Variants in L3MBTL4 observed in about 807,000 individuals in gnomAD.
L3MBTL4 encodes lethal(3)malignant brain tumor-like protein 4.
A neutral mutation model predicts 84.5 loss-of-function variants in L3MBTL4; 70 were observed. The ratio of observed to expected loss-of-function variants is 0.83; its 90% CI spans 0.68 to 1.01. L3MBTL4 has a LOEUF of 1.01. Among genes scored for constraint, L3MBTL4 ranks in the 50% least tolerant of loss-of-function variants. The pLI is 0.00. For synonymous variants in L3MBTL4, 274 were observed against 259.8 expected (o/e 1.05, Z -0.52); for missense variants, 715 against 754.8 (o/e 0.95, Z 0.62).
intron 1 of L3MBTL4, among the ~76,000 whole-genome samples, chr18:6,371,126 T>C (rs1312411640): frequency 6.6e-6 from 1 of 152,184 alleles, no homozygotes; most frequent in Non-Finnish European, 1.5e-5. Flanking sequence ...TTACTTAAAC[T>C]CTGCCATGAG....
At position 6,225,114 on chromosome 18, in the gene L3MBTL4, C is replaced by T. The variant is rs78228704; in HGVS notation, c.785-9279G>A. Among the ~76,000 whole-genome samples, 8 of 152,220 alleles carry T rather than the reference C, an allele frequency of 5.3e-5. No homozygotes were observed. The East Asian group carries it at 1.5e-3, about 29-fold the overall frequency. ...TAGAAAGCCACTGAAGACTGTTACT[C>T]GCTCCCTAACAATGATCATAAACTT... On this transcript the variant is annotated intron_variant, in intron 10 of 18. Coordinates refer to ENST00000317931, the MANE Select transcript of L3MBTL4 (RefSeq NM_001330559.2).
intron 1 of L3MBTL4, among the ~76,000 whole-genome samples, chr18:6,325,196 A>T (rs866646496): frequency 3.9e-4 from 60 of 152,338 alleles, no homozygotes; most frequent in Admixed American, 1.4e-3. Flanking sequence ...ATGGGAAAAA[A>T]ATGAAAACAA....
intron 14 of L3MBTL4, among the ~76,000 whole-genome samples, chr18:6,098,721 C>T (rs2058719011): frequency 6.6e-6 from 1 of 152,112 alleles, no homozygotes; most frequent in Non-Finnish European, 1.5e-5. Flanking sequence ...CCTCATGAAG[C>T]CTAGAGTATT....
chr18:6,056,235 T>C (rs569665489), intron 16 of L3MBTL4, among the ~76,000 whole-genome samples: 41 of 152,294 alleles, frequency 2.7e-4, no homozygotes, highest in Non-Finnish European at 4.0e-4. Context: ...CAAACAAGCA[T>C]GTCAGAGACA....
chr18:6,348,554 T>C (rs61277346), intron 1 of L3MBTL4, among the ~76,000 whole-genome samples: 29,812 of 151,934 alleles, frequency 0.2, 3,687 homozygotes, highest in African/African-American at 0.36. Context: ...CAAAAGGAAG[T>C]CCAGATGCAT....
chr18:6,101,333 C>T (rs1598749096), intron 14 of L3MBTL4, among the ~76,000 whole-genome samples: 1 of 152,242 alleles, frequency 6.6e-6, no homozygotes, highest in East Asian at 1.9e-4. Context: ...CAAAGTCTTC[C>T]TCTGTTTGCT....
At chr18:6,230,297 T>A (rs1406230010) in intron 10 of L3MBTL4, among the ~76,000 whole-genome samples, 2 of 152,136 alleles carry the variant, frequency 1.3e-5, no homozygotes, top group Non-Finnish European at 2.9e-5. Flanking sequence ...GTATACTCAA[T>A]GTTTAGCTCC....
intron 12 of L3MBTL4, among the ~76,000 whole-genome samples, chr18:6,212,301 G>A (rs1022925867): frequency 1.3e-5 from 2 of 152,082 alleles, no homozygotes. Context: ...AATTGAATCA[G>A]ATATTATTTT....
rs117873623 is a variant in L3MBTL4 at position 6,033,782 on chromosome 18, C to T, written c.1444+47099G>A. Among the ~76,000 whole-genome samples the T allele has an allele frequency of 2.0e-5, 3 of 152,242 alleles. No individual in the cohort carries two copies. In the East Asian group the frequency reaches 5.8e-4, roughly 29 times the overall value. ...TTACAGCACTTTAAATTTATATCAG[C>T]TTAAGTCCGATGACACACAAAAACT... On this transcript the variant is annotated intron_variant, in intron 16 of 18. Transcript: ENST00000317931.
intron 1 of L3MBTL4, among the ~76,000 whole-genome samples, chr18:6,372,326 A>G (rs563034231): frequency 1.3e-5 from 2 of 152,290 alleles, no homozygotes; most frequent in African/African-American, 4.8e-5. Context: ...TGACATAAAT[A>G]TGCCGATGCT....
chr18:6,140,537 A>G lies in L3MBTL4; in HGVS notation c.1097-2241T>C, dbSNP rs573350359. 2.4e-4 allele frequency among the ~76,000 whole-genome samples: 37 copies of G among 152,238 alleles called. 1 individual carries two copies. Among genetic ancestry groups the G allele is most frequent in the Admixed American group, 1.7e-3 (26 of 15,306 alleles). ...CAGCCCTGCTGAGGACCAGGAGCCC[A>G]TGGACAGAGCAGAGCGCCTCCTCAC... On this transcript the variant is annotated intron_variant, in intron 13 of 18. Coordinates refer to ENST00000317931, the MANE Select transcript of L3MBTL4 (RefSeq NM_001330559.2).
chr18:6,091,519 T>G (rs1237554001), intron 15 of L3MBTL4, among the ~76,000 whole-genome samples: 1 of 152,256 alleles, frequency 6.6e-6, no homozygotes, highest in Non-Finnish European at 1.5e-5. Context: ...ATTTGTCTGC[T>G]TGATTATCAA....
chr18:6,292,547 A>G (rs1346499966), intron 4 of L3MBTL4, among the ~76,000 whole-genome samples: 1 of 152,024 alleles, frequency 6.6e-6, no homozygotes, highest in Non-Finnish European at 1.5e-5. Flanking sequence ...CCTGATATAG[A>G]CCCCCATACC....
intron 1 of L3MBTL4, among the ~76,000 whole-genome samples, chr18:6,321,391 C>T (rs1226975579): frequency 6.6e-6 from 1 of 151,978 alleles, no homozygotes; most frequent in South Asian, 2.1e-4. Context: ...AAGAAAAAAA[C>T]AAATAATCCC....
intron 5 of L3MBTL4, among the ~76,000 whole-genome samples, chr18:6,245,034 C>A (rs181985830): frequency 1.3e-5 from 2 of 152,212 alleles, no homozygotes. Context: ...CTCAGCCTCC[C>A]GAATAGCTAG....
At chr18:6,330,755 A>G (rs2051991384) in intron 1 of L3MBTL4, among the ~76,000 whole-genome samples, 1 of 152,246 alleles carries the variant, frequency 6.6e-6, no homozygotes, top group Non-Finnish European at 1.5e-5. Context: ...TCTACTACAA[A>G]CACTTTATAT....
chr18:6,365,860 T>C (rs1027796197), intron 1 of L3MBTL4, among the ~76,000 whole-genome samples: 1 of 151,254 alleles, frequency 6.6e-6, no homozygotes, highest in Non-Finnish European at 1.5e-5. Context: ...TTACCTAAGC[T>C]GAATTCACTT....
intron 16 of L3MBTL4, among the ~76,000 whole-genome samples, chr18:6,035,318 A>T (rs1435917404): frequency 6.6e-6 from 1 of 152,068 alleles, no homozygotes. Flanking sequence ...CTTGAATTGA[A>T]TTTTGTATAA....
intron 12 of L3MBTL4, among the ~76,000 whole-genome samples, chr18:6,172,343 T>C (rs2145210138): frequency 6.6e-6 from 1 of 152,250 alleles, no homozygotes; most frequent in Non-Finnish European, 1.5e-5. Context: ...TTGACATTAG[T>C]ACAAGTGCTA....
Sources: allele counts gnomAD v4.1 joint callset (sites outside exome capture counted in the v4.1 genomes callset), GRCh38; gene constraint gnomAD v4.1.1; transcripts MANE v1.5; gene names NCBI Gene and HGNC (gene_info 2026-07-23, HGNC 2026-07-21).